TCF7L2: variants seen among roughly 807,000 people sequenced by gnomAD.
TCF7L2 encodes the protein transcription factor 7 like 2, also known as transcription factor 7-like 2.
A neutral mutation model predicts 77.9 loss-of-function variants in TCF7L2; 23 were observed. That is an observed-to-expected ratio of 0.30 (90% CI 0.21 to 0.42). The LOEUF (loss-of-function observed/expected upper bound fraction) is 0.42, where lower values mean the gene tolerates loss of function less well. Ranked by LOEUF, TCF7L2 falls within the 10% of genes least tolerant of loss-of-function variation. TCF7L2 has a pLI of 1.00. For missense variants in TCF7L2, 654 were observed against 793.1 expected (o/e 0.82, Z 2.11); for synonymous variants, 413 against 340.2 (o/e 1.21, Z -2.36).
chr10:113,076,402 T>C (rs1200835455), intron 5 of TCF7L2, among the ~76,000 whole-genome samples: 1 of 152,196 alleles, frequency 6.6e-6, no homozygotes, highest in Admixed American at 6.5e-5. Flanking sequence ...CCTCCCAAAG[T>C]GCTGGGATTA....
At position 113,007,236 on chromosome 10, in the gene TCF7L2, C is replaced by T. The variant is rs529400205; in HGVS notation, c.451-32789C>T. Reference sequence around the variant, plus strand: ...CGTGTGATGCCTGCCAAGGCGCTTTCGTTCTGGGGGGTTCTGTGTGTTTGA... The same window carrying T: ...CGTGTGATGCCTGCCAAGGCGCTTTTGTTCTGGGGGGTTCTGTGTGTTTGA... On this transcript the variant is annotated intron_variant, in intron 4 of 13. Transcript: ENST00000627217. Among the ~76,000 whole-genome samples the T allele has an allele frequency of 2.2e-4, 33 of 152,264 alleles. 1 individual carries two copies. In the South Asian group the frequency reaches 6.4e-3, roughly 30 times the overall value.
intron 5 of TCF7L2, among the ~76,000 whole-genome samples, chr10:113,043,737 T>G (rs944076183): frequency 6.6e-6 from 1 of 152,138 alleles, no homozygotes; most frequent in African/African-American, 2.4e-5. Flanking sequence ...TTTTTCTTTC[T>G]TGGTGGAGTT....
intron 4 of TCF7L2, among the ~76,000 whole-genome samples, chr10:113,039,770 A>G (rs2052099136): frequency 6.6e-6 from 1 of 152,016 alleles, no homozygotes; most frequent in African/African-American, 2.4e-5. Context: ...TTCTGAAGCT[A>G]CCCTGTACTT....
chr10:112,964,778 ATGG>A (rs1375511307), intron 4 of TCF7L2, among the ~76,000 whole-genome samples, 154 bp downstream of exon 4: 10 of 80,078 alleles, frequency 1.2e-4, no homozygotes, highest in Admixed American at 6.2e-4. Flanking sequence ...GGTGGTGGTG[ATGG>A]TGGTGGTGGT....
intron 4 of TCF7L2, among the ~76,000 whole-genome samples, chr10:113,033,147 C>G (rs2050538387): frequency 6.6e-6 from 1 of 151,702 alleles, no homozygotes; most frequent in Non-Finnish European, 1.5e-5. Flanking sequence ...TCTTTTTTAT[C>G]TTTTCTTTTC....
chr10:113,077,690 T>TC (rs1397271348), intron 5 of TCF7L2, among the ~76,000 whole-genome samples: 1 of 18,822 alleles, frequency 5.3e-5, no homozygotes, highest in East Asian at 4.2e-4. Flanking sequence ...AATTTCTTTC[T>TC]TTTCTTTTCT....
intron 5 of TCF7L2, among the ~76,000 whole-genome samples, chr10:113,066,525 G>T (rs775480685): frequency 3.9e-5 from 6 of 152,158 alleles, no homozygotes; most frequent in Non-Finnish European, 8.8e-5. Context: ...AATAATGCCT[G>T]TGTGCTTATA....
At chr10:113,011,609 G>C (rs879577069) in intron 4 of TCF7L2, among the ~76,000 whole-genome samples, 16 of 149,830 alleles carry the variant, frequency 1.1e-4, no homozygotes, top group African/African-American at 3.9e-4. Flanking sequence ...TATTACTGTC[G>C]AATTTTACTA....
chr10:113,119,569 C>G (rs945583785), intron 5 of TCF7L2, among the ~76,000 whole-genome samples: 6 of 152,052 alleles, frequency 3.9e-5, no homozygotes, highest in African/African-American at 1.4e-4. Flanking sequence ...AGTCCTTGAA[C>G]ATAACAGAAG....
intron 5 of TCF7L2, among the ~76,000 whole-genome samples, chr10:113,086,751 GACTC>G (rs2059877226): frequency 8.3e-6 from 1 of 120,644 alleles, no homozygotes; most frequent in African/African-American, 3.6e-5. Context: ...TTTTAAGAAA[GACTC>G]AAAAGGAAAA....
chr10:113,087,223 C>G (rs923600529), intron 5 of TCF7L2, among the ~76,000 whole-genome samples: 14 of 152,180 alleles, frequency 9.2e-5, no homozygotes, highest in Non-Finnish European at 7.3e-5. Flanking sequence ...ACAATTTCCT[C>G]TAAGAGTAAA....
At position 112,951,532 on chromosome 10, in the gene TCF7L2, C is replaced by T. The variant is rs747625079; in HGVS notation, c.306C>T (p.Gly102=). Reference sequence around the variant, plus strand: ...TCTTTAAGGGGCCACCGTATCCCGGCTACCCCTTCATCATGATCCCCGACC... The same window carrying T: ...TCTTTAAGGGGCCACCGTATCCCGGTTACCCCTTCATCATGATCCCCGACC... Residue 102 remains glycine (G), a synonymous_variant, in exon 3 of 14, where the codon GGC becomes GGT. Transcript: ENST00000627217. 6 of 1,430,010 alleles carry T rather than the reference C, an allele frequency of 4.2e-6. No individual in the cohort carries two copies. The highest frequency in any genetic ancestry group is 4.7e-6 in the Non-Finnish European group (5 of 1,068,998). 88.6% of individuals were successfully genotyped at this position (1,430,010 alleles called of 1,614,324 possible).
At chr10:113,015,654 T>A (rs1044401940) in intron 4 of TCF7L2, among the ~76,000 whole-genome samples, 5 of 151,894 alleles carry the variant, frequency 3.3e-5, no homozygotes, top group African/African-American at 1.2e-4. Context: ...TAAAAAAAAT[T>A]TTTTTTTGTA....
chr10:112,971,929 C>CCT (rs1564729596), intron 4 of TCF7L2, among the ~76,000 whole-genome samples: 1 of 150,524 alleles, frequency 6.6e-6, no homozygotes, highest in Non-Finnish European at 1.5e-5. Context: ...TTTTTCTTTC[C>CCT]TTTTTTTTTG....
chr10:112,992,302 G>A (rs1041655557), intron 4 of TCF7L2, among the ~76,000 whole-genome samples: 22 of 152,308 alleles, frequency 1.4e-4, no homozygotes, highest in African/African-American at 2.2e-4. Flanking sequence ...AATGTGCGTC[G>A]GTAGCATAGA....
At chr10:113,053,183 T>A (rs1206782457) in intron 5 of TCF7L2, among the ~76,000 whole-genome samples, 2 of 151,850 alleles carry the variant, frequency 1.3e-5, no homozygotes, top group Non-Finnish European at 2.9e-5. Context: ...GACGTCTGTG[T>A]GGAATAAGTG....
intron 5 of TCF7L2, chr10:113,089,657 T>C (rs960147814): frequency 1.3e-5 from 17 of 1,326,178 alleles, no homozygotes; most frequent in Middle Eastern, 5.1e-4. Flanking sequence ...TGAATTCTTG[T>C]TGGGTCACTG....
intron 4 of TCF7L2, among the ~76,000 whole-genome samples, chr10:113,037,750 G>C (rs2051598570): frequency 6.6e-6 from 1 of 152,184 alleles, no homozygotes; most frequent in Non-Finnish European, 1.5e-5. Flanking sequence ...CGGTTTTGCA[G>C]GTGGCCAAAG....
At chr10:113,121,775 A>AACAC (rs59915449) in intron 5 of TCF7L2, among the ~76,000 whole-genome samples, 4,863 of 149,132 alleles carry the variant, frequency 0.033, 253 homozygotes, top group African/African-American at 0.11. Flanking sequence ...ACATACACAC[A>AACAC]ACACACACAC....
Sources: gnomAD v4.1 joint callset for allele counts (sites outside exome capture counted in the v4.1 genomes callset) on GRCh38, gnomAD v4.1.1 for gene constraint, MANE v1.5 for transcripts, NCBI Gene and HGNC (gene_info 2026-07-23, HGNC 2026-07-21) for gene names.